Variants in PPARGC1A observed in about 807,000 individuals in gnomAD.
The protein encoded by PPARGC1A is peroxisome proliferator-activated receptor gamma coactivator 1-alpha.
Under a neutral mutation model 88.7 loss-of-function variants are expected in PPARGC1A, and 25 were observed. That is an observed-to-expected ratio of 0.28 (90% CI 0.21 to 0.39). The LOEUF is 0.39. PPARGC1A is among the 10% of genes least tolerant of loss of function. PPARGC1A has a pLI of 1.00. For missense variants in PPARGC1A, 880 were observed against 968.7 expected, an observed-to-expected ratio of 0.91 and a Z score of 1.22; for synonymous variants, 363 against 355.6, an observed-to-expected ratio of 1.02 and a Z score of -0.24.
At chr4:24,158,923 A>T in the PPARGC1A span, among the ~76,000 whole-genome samples, 1 of 152,326 alleles carries the variant, frequency 6.6e-6, no homozygotes, top group Non-Finnish European at 1.5e-5. Context: ...CTTTTCCTAC[A>T]TCTTATCACC....
intron 3 of PPARGC1A, among the ~76,000 whole-genome samples, chr4:23,830,812 C>T (rs1247205811): frequency 6.6e-6 from 1 of 152,162 alleles, no homozygotes; most frequent in Non-Finnish European, 1.5e-5. Context: ...TGGTCAAGCA[C>T]TGCATTGAAC....
chr4:24,300,024 T>C, the PPARGC1A span, among the ~76,000 whole-genome samples: 2 of 152,214 alleles, frequency 1.3e-5, no homozygotes, highest in East Asian at 1.9e-4. Context: ...ACTTAATTCA[T>C]CATTTCCAAT....
chr4:24,277,522 T>G, the PPARGC1A span, among the ~76,000 whole-genome samples: 1 of 34,480 alleles, frequency 2.9e-5, no homozygotes, highest in African/African-American at 9.2e-5. Context: ...CCATTTTAGC[T>G]GCTCTCTGAA....
the PPARGC1A span, among the ~76,000 whole-genome samples, chr4:24,259,886 T>C: frequency 0.42 from 63,862 of 152,064 alleles, 14,517 homozygotes; most frequent in Non-Finnish European, 0.52. Flanking sequence ...AAAGACTCAG[T>C]GAAATGCTCC....
chr4:24,468,101 G>C, the PPARGC1A span, among the ~76,000 whole-genome samples: 1 of 152,168 alleles, frequency 6.6e-6, no homozygotes, highest in Non-Finnish European at 1.5e-5. Context: ...GACCTGGCCT[G>C]CTTCGATTTG....
intron 12 of PPARGC1A, among the ~76,000 whole-genome samples, chr4:23,801,380 G>A (rs971212934): frequency 6.6e-6 from 1 of 151,608 alleles, no homozygotes; most frequent in Non-Finnish European, 1.5e-5. Flanking sequence ...AATATCCACA[G>A]AGATACACAC....
rs1716877974 is a variant in PPARGC1A, at chr4:23,792,836, T to C, written c.*2986A>G. ...GAGCACAGCTTACATTTTGATGGGC[T>C]ACCCACAGTGTCTGCAGAAGATACA... On this transcript the variant is annotated 3_prime_UTR_variant, in exon 13 of 13. Transcript: ENST00000264867. 1 of 152,470 alleles carries C rather than the reference T, an allele frequency of 6.6e-6. No homozygotes were observed. Among genetic ancestry groups the C allele is most frequent in the South Asian group, 2.1e-4 (1 of 4,820 alleles). 9.4% of individuals were successfully genotyped at this position (152,470 alleles called of 1,614,324 possible).
intron 2 of PPARGC1A, among the ~76,000 whole-genome samples, chr4:23,834,306 A>C (rs1725616347): frequency 6.6e-6 from 1 of 152,040 alleles, no homozygotes; most frequent in Non-Finnish European, 1.5e-5. Flanking sequence ...TCTCAAAAAA[A>C]ACATATATAT....
the PPARGC1A span, among the ~76,000 whole-genome samples, chr4:24,207,759 G>A: frequency 6.6e-6 from 1 of 152,076 alleles, no homozygotes; most frequent in Non-Finnish European, 1.5e-5. Context: ...AGCCACAAAA[G>A]TGTTCTAATT....
the PPARGC1A span, among the ~76,000 whole-genome samples, chr4:24,026,168 T>A: frequency 6.6e-6 from 1 of 152,222 alleles, no homozygotes; most frequent in African/African-American, 2.4e-5. Flanking sequence ...AATTAGTTGA[T>A]GCTGAAAACC....
At chr4:23,810,808 A>G (rs909251447) in intron 10 of PPARGC1A, among the ~76,000 whole-genome samples, 1 of 152,216 alleles carries the variant, frequency 6.6e-6, no homozygotes, top group Admixed American at 6.5e-5. Context: ...ATGTTCGCTC[A>G]GCATGATTTT....
the PPARGC1A span, among the ~76,000 whole-genome samples, chr4:23,998,857 C>T: frequency 0.17 from 26,101 of 152,032 alleles, 2,372 homozygotes; most frequent in East Asian, 0.26. Flanking sequence ...TATATTTGAA[C>T]GTTTTGATCT....
the PPARGC1A span, among the ~76,000 whole-genome samples, chr4:24,102,164 C>A: frequency 6.6e-6 from 1 of 152,206 alleles, no homozygotes; most frequent in Non-Finnish European, 1.5e-5. Flanking sequence ...CCTGTCCCAC[C>A]TTCAGTGGGT....
rs910335383 is a variant in PPARGC1A at position 23,794,118 on chromosome 4, T to C, written c.*1704A>G. The C allele has an allele frequency of 6.6e-6, 1 of 152,598 alleles. No homozygotes were observed. The highest frequency in any genetic ancestry group is 1.5e-5 in the Non-Finnish European group (1 of 68,028). 9.5% of individuals were successfully genotyped at this position (152,598 alleles called of 1,614,324 possible). ...ATTAATTATTGTAAAAATCATACTA[T>C]AATTATTACCTCAGCATTTTGTATC... On this transcript the variant is annotated 3_prime_UTR_variant, in exon 13 of 13. Coordinates refer to ENST00000264867, the MANE Select transcript of PPARGC1A (RefSeq NM_013261.5).
intron 2 of PPARGC1A, among the ~76,000 whole-genome samples, chr4:23,871,211 C>A (rs1713287373): frequency 6.6e-6 from 1 of 152,062 alleles, no homozygotes; most frequent in South Asian, 2.1e-4. Flanking sequence ...TCAGTTTGAA[C>A]AAATGTTGCA....
chr4:24,305,905 A>G, the PPARGC1A span, among the ~76,000 whole-genome samples: 2 of 152,218 alleles, frequency 1.3e-5, no homozygotes, highest in East Asian at 3.8e-4. Flanking sequence ...AGGTACATAC[A>G]ATTGAAAGGA....
At chr4:24,337,464 A>ATT in the PPARGC1A span, among the ~76,000 whole-genome samples, 1 of 150,236 alleles carries the variant, frequency 6.7e-6, no homozygotes, top group African/African-American at 2.4e-5. Context: ...AGACATGAAA[A>ATT]TAAGACATGA....
At chr4:24,329,000 G>T in the PPARGC1A span, among the ~76,000 whole-genome samples, 41 of 152,348 alleles carry the variant, frequency 2.7e-4, no homozygotes, top group African/African-American at 9.6e-4. Flanking sequence ...CAGTCTGAGA[G>T]CTTAGCAGGC....
the PPARGC1A span, among the ~76,000 whole-genome samples, chr4:24,148,513 A>G: frequency 4.6e-5 from 7 of 152,154 alleles, no homozygotes; most frequent in Non-Finnish European, 7.4e-5. Context: ...GTGATCTGTC[A>G]GATTCTGGAT....
Sources: gnomAD v4.1 joint callset for allele counts (sites outside exome capture counted in the v4.1 genomes callset) on GRCh38, gnomAD v4.1.1 for gene constraint, MANE v1.5 for transcripts, NCBI Gene and HGNC (gene_info 2026-07-23, HGNC 2026-07-21) for gene names.